Variants in SYT6 observed in about 807,000 individuals in gnomAD.
SYT6 encodes synaptotagmin 6.
A neutral mutation model predicts 38.4 loss-of-function variants in SYT6; 24 were observed. The observed-to-expected ratio is 0.62, with a 90% CI of 0.45 to 0.88. SYT6 has a LOEUF of 0.88. SYT6 is among the 40% of genes least tolerant of loss of function. The pLI, the probability that SYT6 is intolerant of heterozygous loss-of-function variation, is 0.00. For synonymous variants in SYT6, 265 were observed against 241.9 expected (o/e 1.10, Z -0.89); for missense variants, 611 against 621.0 (o/e 0.98, Z 0.17).
intron 3 of SYT6, among the ~76,000 whole-genome samples, chr1:114,134,977 C>T (rs1399500768): frequency 6.6e-6 from 1 of 152,186 alleles, no homozygotes; most frequent in Non-Finnish European, 1.5e-5. Flanking sequence ...CATCAGCCTT[C>T]TCGCACCTCT....
Position 114,090,147 on chromosome 1 carries a change from G to A in SYT6, c.*1987C>T, listed in dbSNP as rs1675217582. Reference sequence around the variant, plus strand: ...AGGCCTTCAGCATCTGTTCACTGACGGAAACGACTATCTTGATGGGGTCAG... The same window carrying A: ...AGGCCTTCAGCATCTGTTCACTGACAGAAACGACTATCTTGATGGGGTCAG... On this transcript the variant is annotated 3_prime_UTR_variant, in exon 8 of 8. Transcript: ENST00000610222. The A allele has an allele frequency of 6.6e-6, 1 of 152,312 alleles. No homozygotes were observed. Among genetic ancestry groups the A allele is most frequent in the Admixed American group, 6.5e-5 (1 of 15,276 alleles). 9.4% of individuals were successfully genotyped at this position (152,312 alleles called of 1,614,324 possible). A position where few individuals can be genotyped will look rare whatever the true frequency, so the allele number is the denominator to read the frequency against.
intron 3 of SYT6, among the ~76,000 whole-genome samples, chr1:114,129,901 T>C (rs1466956913): frequency 2.0e-5 from 3 of 151,356 alleles, no homozygotes; most frequent in Non-Finnish European, 4.4e-5. Context: ...CAGGGGCTGG[T>C]CTCAAAATCC....
Position 114,139,761 on chromosome 1 carries a change from G to T in SYT6, c.366C>A (p.Pro122=). The change falls in exon 2 of 8, where the codon CCC becomes CCA. Residue 122 remains proline (P), a synonymous_variant. Transcript: ENST00000610222. ...CCGCCTCCAGGAAGCCCAGGGTGCTGGGGTCCTTCAGCTTGTCCGCCATGT... is the reference window on the plus strand; with the variant it reads ...CCGCCTCCAGGAAGCCCAGGGTGCTTGGGTCCTTCAGCTTGTCCGCCATGT... The part of the protein sequence containing the change: ...RGNMADKLKD[P]STLGFLEAAV... 1 of 1,613,972 alleles carries T rather than the reference G, an allele frequency of 6.2e-7. No individual in the cohort carries two copies. Among genetic ancestry groups the T allele is most frequent in the Admixed American group, 1.7e-5 (1 of 60,010 alleles).
chr1:114,091,964 C>A lies in SYT6; in HGVS notation c.*170G>T. 6.5e-7 allele frequency: 1 copy of A among 1,527,874 alleles called. No homozygotes were observed. The highest frequency in any genetic ancestry group is 8.8e-7 in the Non-Finnish European group (1 of 1,139,414). 94.6% of individuals were successfully genotyped at this position (1,527,874 alleles called of 1,614,324 possible). A position where few individuals can be genotyped will look rare whatever the true frequency, so the allele number is the denominator to read the frequency against. ...CACTGTTTAGACGGTTGAACAAGTGCAAAGAGAACATTGCTGAGTCCCATT... is the reference window on the plus strand; with the variant it reads ...CACTGTTTAGACGGTTGAACAAGTGAAAAGAGAACATTGCTGAGTCCCATT... On this transcript the variant is annotated 3_prime_UTR_variant, in exon 8 of 8. Coordinates refer to ENST00000610222, the MANE Select transcript of SYT6 (RefSeq NM_001253772.2).
chr1:114,122,525 G>GCA (rs1372457537), intron 3 of SYT6, among the ~76,000 whole-genome samples: 4 of 151,606 alleles, frequency 2.6e-5, no homozygotes, highest in Admixed American at 6.6e-5. Context: ...ATGAGCATAT[G>GCA]CACACACACA....
At position 114,090,884 on chromosome 1, in the gene SYT6, A is replaced by C. The variant is rs1246071967; in HGVS notation, c.*1250T>G. ...AGTTTGGCCTAAGGTAAAGATCTAAAGGAAACAAGAAACCCTCACAACCAC... is the reference window on the plus strand; with the variant it reads ...AGTTTGGCCTAAGGTAAAGATCTAACGGAAACAAGAAACCCTCACAACCAC... On this transcript the variant is annotated 3_prime_UTR_variant, in exon 8 of 8. Coordinates refer to ENST00000610222, the MANE Select transcript of SYT6 (RefSeq NM_001253772.2). The C allele has an allele frequency of 6.5e-6, 1 of 152,816 alleles. No homozygotes were observed. Among genetic ancestry groups the C allele is most frequent in the Non-Finnish European group, 1.5e-5 (1 of 68,028 alleles). The allele number at this position is 152,816 out of a possible 1,614,324, so 9.5% of individuals were successfully genotyped here.
intron 4 of SYT6, 22 bp downstream of exon 4, chr1:114,103,579 C>T (rs1571827353): frequency 6.2e-7 from 1 of 1,613,404 alleles, no homozygotes; most frequent in Non-Finnish European, 8.5e-7. Flanking sequence ...TGCTGGCAGG[C>T]CACTTGGGTT....
At position 114,091,916 on chromosome 1, in the gene SYT6, C is replaced by T; in HGVS notation, c.*218G>A. ...CTGGAGTGACGGACGGCTGCCGCTG[C>T]TGCCGCCACTGCGACTGCACAACAC... On this transcript the variant is annotated 3_prime_UTR_variant, in exon 8 of 8. Coordinates refer to ENST00000610222, the MANE Select transcript of SYT6 (RefSeq NM_001253772.2). 1 of 1,314,236 alleles carries T rather than the reference C, an allele frequency of 7.6e-7. No individual in the cohort carries two copies. The highest frequency in any genetic ancestry group is 1.1e-6 in the Non-Finnish European group (1 of 952,298). 81.4% of individuals were successfully genotyped at this position (1,314,236 alleles called of 1,614,324 possible). A position where few individuals can be genotyped will look rare whatever the true frequency, so the allele number is the denominator to read the frequency against.
intron 1 of SYT6, among the ~76,000 whole-genome samples, chr1:114,144,633 C>A (rs1245802635): frequency 6.6e-6 from 1 of 152,164 alleles, no homozygotes; most frequent in African/African-American, 2.4e-5. Context: ...GTAATTAGCT[C>A]TCATTTCAAT....
chr1:114,094,464 A>G (rs1675510697), intron 6 of SYT6, among the ~76,000 whole-genome samples: 1 of 152,214 alleles, frequency 6.6e-6, no homozygotes, highest in South Asian at 2.1e-4. Flanking sequence ...GTGTGGTAAC[A>G]ATGATGACAC....
intron 3 of SYT6, among the ~76,000 whole-genome samples, chr1:114,126,164 C>T (rs993320411): frequency 6.6e-6 from 1 of 152,174 alleles, no homozygotes; most frequent in Non-Finnish European, 1.5e-5. Flanking sequence ...TGACTCCCAA[C>T]CACCCCAAGC....
Position 114,137,947 on chromosome 1 carries a change from T to C in SYT6, c.619A>G (p.Ile207Val), listed in dbSNP as rs1465324548. Residue 207 changes from isoleucine (I) to valine (V), a missense_variant, in exon 3 of 8, where the codon ATC becomes GTC. By Grantham distance (29) the Ile-to-Val change is conservative. Coordinates refer to ENST00000610222, the MANE Select transcript of SYT6 (RefSeq NM_001253772.2). ...AAEQPTSIGR[I>V]KPELYKQKSV... ...TTCTGCTTGTAGAGCTCAGGCTTGA[T>C]GCGGCCAATGCTGGTGGGCTGCTCT... The C allele has an allele frequency of 6.2e-7, 1 of 1,614,062 alleles. No homozygotes were observed. The highest frequency in any genetic ancestry group is 2.2e-5 in the East Asian group (1 of 44,854).
At chr1:114,125,094 C>T (rs1208596451) in intron 3 of SYT6, among the ~76,000 whole-genome samples, 2 of 152,186 alleles carry the variant, frequency 1.3e-5, no homozygotes, top group Non-Finnish European at 2.9e-5. Flanking sequence ...CTGTTCCCTC[C>T]CACCTCAAGT....
intron 3 of SYT6, among the ~76,000 whole-genome samples, chr1:114,136,160 G>A (rs1243795272): frequency 6.6e-6 from 1 of 152,190 alleles, no homozygotes; most frequent in African/African-American, 2.4e-5. Context: ...GACCCTTCCT[G>A]GGGTGTAAGC....
At chr1:114,133,779 G>C (rs1275807097) in intron 3 of SYT6, among the ~76,000 whole-genome samples, 1 of 152,238 alleles carries the variant, frequency 6.6e-6, no homozygotes, top group East Asian at 1.9e-4. Context: ...GTTAGCTGCT[G>C]TGCTGCCCAG....
At chr1:114,109,896 C>G (rs1044887612) in intron 3 of SYT6, among the ~76,000 whole-genome samples, 1 of 152,168 alleles carries the variant, frequency 6.6e-6, no homozygotes, top group Non-Finnish European at 1.5e-5. Context: ...AGTAAGCAAG[C>G]GCTTTTGCTT....
At chr1:114,106,156 G>T (rs1200670647) in intron 3 of SYT6, among the ~76,000 whole-genome samples, 1 of 152,204 alleles carries the variant, frequency 6.6e-6, no homozygotes, top group Non-Finnish European at 1.5e-5. Flanking sequence ...GTCTCACATA[G>T]GCACTGAGGT....
chr1:114,111,035 A>G (rs1216911928), intron 3 of SYT6, among the ~76,000 whole-genome samples: 1 of 152,226 alleles, frequency 6.6e-6, no homozygotes, highest in Non-Finnish European at 1.5e-5. Context: ...GAAACAGGGC[A>G]TCCAGAGTAC....
intron 3 of SYT6, among the ~76,000 whole-genome samples, chr1:114,132,480 GA>G (rs1678216387): frequency 6.6e-6 from 1 of 152,234 alleles, no homozygotes; most frequent in East Asian, 1.9e-4. Context: ...TCTGTTCTGT[GA>G]AAGCATGAGA....
Sources: allele counts gnomAD v4.1 joint callset (sites outside exome capture counted in the v4.1 genomes callset), GRCh38; gene constraint gnomAD v4.1.1; transcripts MANE v1.5; gene names NCBI Gene and HGNC (gene_info 2026-07-23, HGNC 2026-07-21).